Variants in CYSTM1 observed in about 807,000 individuals in gnomAD.
CYSTM1 encodes the protein cysteine-rich transmembrane module-containing protein 1.
Under a neutral mutation model 13.1 loss-of-function variants are expected in CYSTM1, and 4 were observed. The observed-to-expected ratio is 0.31, with a 90% CI of 0.15 to 0.70. The LOEUF (loss-of-function observed/expected upper bound fraction) is 0.70. Among genes scored for constraint, CYSTM1 ranks in the 30% least tolerant of loss-of-function variants. CYSTM1 has a pLI of 0.72. For missense variants in CYSTM1, 96 were observed against 121.6 expected (o/e 0.79, Z 0.99); for synonymous variants, 36 against 42.7 (o/e 0.84, Z 0.62).
intron 2 of CYSTM1, among the ~76,000 whole-genome samples, chr5:140,233,229 G>T (rs1213443126): frequency 6.6e-6 from 1 of 152,178 alleles, no homozygotes; most frequent in East Asian, 1.9e-4. Context: ...TTGGCCACAG[G>T]AGATTTGGGA....
chr5:140,196,098 T>C (rs1764153883), intron 2 of CYSTM1, among the ~76,000 whole-genome samples: 1 of 152,044 alleles, frequency 6.6e-6, no homozygotes, highest in Admixed American at 6.6e-5. Flanking sequence ...TTTATATACA[T>C]TAACATTTAA....
At chr5:140,229,065 G>A (rs1383342038) in intron 2 of CYSTM1, 3 of 369,832 alleles carry the variant, frequency 8.1e-6, no homozygotes, top group Non-Finnish European at 1.4e-5. Context: ...TACATATCTT[G>A]TGAATTGATT....
At chr5:140,240,555 G>GAGTC (rs1764736070) in intron 2 of CYSTM1, among the ~76,000 whole-genome samples, 2 of 152,014 alleles carry the variant, frequency 1.3e-5, no homozygotes, top group East Asian at 3.9e-4. Context: ...TTCTCAGGCA[G>GAGTC]AGTCCCCCAT....
intron 1 of CYSTM1, among the ~76,000 whole-genome samples, chr5:140,183,591 G>GTGGT (rs1763984311): frequency 6.6e-6 from 1 of 152,236 alleles, no homozygotes; most frequent in Non-Finnish European, 1.5e-5. Flanking sequence ...CCTGAACTGA[G>GTGGT]TGGTTGGGTG....
chr5:140,222,043 C>T (rs75541659), intron 2 of CYSTM1, among the ~76,000 whole-genome samples: 1 of 152,352 alleles, frequency 6.6e-6, no homozygotes, highest in Non-Finnish European at 1.5e-5. Context: ...CCAGCTTGCT[C>T]TAGTGGCGTG....
intron 1 of CYSTM1, among the ~76,000 whole-genome samples, chr5:140,183,139 T>C (rs1222270919): frequency 2.0e-5 from 3 of 152,226 alleles, no homozygotes; most frequent in African/African-American, 2.4e-5. Context: ...GCAGAGCCTG[T>C]CTTTCAGGGG....
At chr5:140,213,073 G>T (rs1209920201) in intron 2 of CYSTM1, among the ~76,000 whole-genome samples, 8 of 146,598 alleles carry the variant, frequency 5.5e-5, no homozygotes, top group Non-Finnish European at 1.2e-4. Context: ...CCATAAAACA[G>T]CCTCAGGCAG....
At chr5:140,178,592 TG>T (rs757951976) in intron 1 of CYSTM1, among the ~76,000 whole-genome samples, 7 of 151,638 alleles carry the variant, frequency 4.6e-5, no homozygotes, top group Non-Finnish European at 8.8e-5. Context: ...AAGACCTTTT[TG>T]CTGATTTGGT....
chr5:140,177,577 G>C (rs1763905543), intron 1 of CYSTM1, among the ~76,000 whole-genome samples: 1 of 152,190 alleles, frequency 6.6e-6, no homozygotes, highest in African/African-American at 2.4e-5. Flanking sequence ...ATAGAAACCG[G>C]TGCAGCACTC....
chr5:140,213,010 TG>T (rs1388699881), intron 2 of CYSTM1, among the ~76,000 whole-genome samples: 17 of 122,138 alleles, frequency 1.4e-4, no homozygotes, highest in Admixed American at 3.5e-4. Flanking sequence ...TATATATATA[TG>T]AGAGAGAGAG....
At chr5:140,237,594 C>T (rs1384193242) in intron 2 of CYSTM1, among the ~76,000 whole-genome samples, 2 of 152,226 alleles carry the variant, frequency 1.3e-5, no homozygotes, top group Non-Finnish European at 2.9e-5. Flanking sequence ...TCTCTATCTA[C>T]AGTCAACCCT....
chr5:140,222,286 G>A (rs1472473995), intron 2 of CYSTM1, among the ~76,000 whole-genome samples: 1 of 152,162 alleles, frequency 6.6e-6, no homozygotes, highest in African/African-American at 2.4e-5. Context: ...ACAACATTTA[G>A]AATTATTGGA....
chr5:140,227,594 T>C (rs1764572261), intron 2 of CYSTM1, among the ~76,000 whole-genome samples: 1 of 152,058 alleles, frequency 6.6e-6, no homozygotes, highest in Non-Finnish European at 1.5e-5. Context: ...AGTTGGACCA[T>C]GTGAGGTGTC....
intron 1 of CYSTM1, among the ~76,000 whole-genome samples, chr5:140,180,180 T>A (rs905239436): frequency 1.3e-5 from 2 of 152,130 alleles, no homozygotes; most frequent in African/African-American, 4.8e-5. Context: ...GTAAATTGGA[T>A]GAGGAGTGAA....
At chr5:140,179,261 T>TA (rs36122225) in intron 1 of CYSTM1, among the ~76,000 whole-genome samples, 107 of 139,494 alleles carry the variant, frequency 7.7e-4, no homozygotes, top group Middle Eastern at 7.9e-3. Flanking sequence ...TCTTGTCGCT[T>TA]AAAAAAAAAA....
rs1821256 is a variant in CYSTM1 at position 140,210,704 on chromosome 5, G to T, written c.187+16052G>T. 0.034 allele frequency among the ~76,000 whole-genome samples: 5,186 copies of T among 152,000 alleles called. 543 individuals are homozygous for T. The East Asian group carries it at 0.42, about 12-fold the overall frequency. Reference sequence around the variant, plus strand: ...TTTTTGTATTTTTTGTAGAGACAGGGTCTCGCTCTGTTACACAGGCTGGTC... The same window carrying T: ...TTTTTGTATTTTTTGTAGAGACAGGTTCTCGCTCTGTTACACAGGCTGGTC... On this transcript the variant is annotated intron_variant, in intron 2 of 2. Transcript: ENST00000261811.
At chr5:140,221,268 A>AT (rs1179118581) in intron 2 of CYSTM1, among the ~76,000 whole-genome samples, 2 of 152,224 alleles carry the variant, frequency 1.3e-5, no homozygotes, top group Non-Finnish European at 2.9e-5. Flanking sequence ...ATTCATTGGC[A>AT]TTAAGTACAT....
intron 2 of CYSTM1, among the ~76,000 whole-genome samples, chr5:140,234,727 C>T (rs976513209): frequency 3.9e-5 from 6 of 152,070 alleles, no homozygotes; most frequent in African/African-American, 1.2e-4. Context: ...ACTTGTGGGC[C>T]GGGTTATGCT....
intron 2 of CYSTM1, among the ~76,000 whole-genome samples, chr5:140,218,681 C>T (rs1382615529): frequency 6.6e-6 from 1 of 152,214 alleles, no homozygotes; most frequent in Non-Finnish European, 1.5e-5. Flanking sequence ...TCTGCTTGTG[C>T]TGTGATATGG....
Sources: allele counts gnomAD v4.1 joint callset (sites outside exome capture counted in the v4.1 genomes callset), GRCh38; gene constraint gnomAD v4.1.1; transcripts MANE v1.5; gene names NCBI Gene and HGNC (gene_info 2026-07-23, HGNC 2026-07-21).